LYPD6B: variants seen among roughly 807,000 people sequenced by gnomAD.
LYPD6B encodes LY6/PLAUR domain containing 6B, also known as ly6/PLAUR domain-containing protein 6B.
LYPD6B carries 17 observed loss-of-function variants against 22.8 expected under a neutral mutation model. The ratio of observed to expected loss-of-function variants is 0.75; its 90% CI spans 0.51 to 1.12. LYPD6B has a LOEUF of 1.12. LYPD6B is among the 50% of genes most tolerant of loss of function. LYPD6B has a pLI of 0.00. For synonymous variants in LYPD6B, 106 were observed against 91.6 expected, an observed-to-expected ratio of 1.16 and a Z score of -0.90; for missense variants, 221 against 258.3, an observed-to-expected ratio of 0.86 and a Z score of 0.99.
At chr2:149,156,270 T>C (rs1222114514) in intron 2 of LYPD6B, among the ~76,000 whole-genome samples, 3 of 152,170 alleles carry the variant, frequency 2.0e-5, no homozygotes, top group African/African-American at 7.2e-5. Context: ...TGTTCCTGTT[T>C]GTGACTTTCT....
chr2:149,067,190 ACTCT>A (rs1456068945), intron 1 of LYPD6B, among the ~76,000 whole-genome samples: 1 of 151,816 alleles, frequency 6.6e-6, no homozygotes, highest in Non-Finnish European at 1.5e-5. Flanking sequence ...ATTTCAACAC[ACTCT>A]GCAGGTGGTT....
At chr2:149,198,978 T>C (rs1431992359) in intron 3 of LYPD6B, among the ~76,000 whole-genome samples, 1 of 152,232 alleles carries the variant, frequency 6.6e-6, no homozygotes, top group East Asian at 1.9e-4. Flanking sequence ...TTTCTAAATC[T>C]TAAGAAATCA....
intron 1 of LYPD6B, among the ~76,000 whole-genome samples, chr2:149,106,562 A>G (rs1686481644): frequency 6.6e-6 from 1 of 152,154 alleles, no homozygotes. Flanking sequence ...TTACTGGTAT[A>G]AAGTTGTTTA....
At chr2:149,097,876 G>C (rs1242611442) in intron 1 of LYPD6B, among the ~76,000 whole-genome samples, 1 of 151,912 alleles carries the variant, frequency 6.6e-6, no homozygotes, top group Non-Finnish European at 1.5e-5. Context: ...ATTTTTTTGG[G>C]GTATTTTTGT....
intron 2 of LYPD6B, among the ~76,000 whole-genome samples, chr2:149,139,503 T>C (rs775137403): frequency 2.0e-5 from 3 of 152,176 alleles, no homozygotes; most frequent in Non-Finnish European, 4.4e-5. Flanking sequence ...GCTGTAAGCA[T>C]ACACTTCAGA....
At chr2:149,078,319 C>T (rs1344824690) in intron 1 of LYPD6B, among the ~76,000 whole-genome samples, 1 of 152,184 alleles carries the variant, frequency 6.6e-6, no homozygotes, top group Non-Finnish European at 1.5e-5. Flanking sequence ...CCTTCCCATT[C>T]ATGAAATGTT....
At chr2:149,187,644 G>T (rs574886104) in intron 3 of LYPD6B, 2 of 920,502 alleles carry the variant, frequency 2.2e-6, no homozygotes, top group Middle Eastern at 2.3e-4. Context: ...AAGCAGGCTT[G>T]TCCAATCTTT....
chr2:149,213,502 T>A (rs956572215), intron 6 of LYPD6B, among the ~76,000 whole-genome samples: 6 of 152,244 alleles, frequency 3.9e-5, no homozygotes, highest in Non-Finnish European at 7.3e-5. Flanking sequence ...TTTAATATGA[T>A]GAACTGTAGA....
chr2:149,204,697 T>A (rs1693395242), intron 3 of LYPD6B: 1 of 154,208 alleles, frequency 6.5e-6, no homozygotes, highest in Non-Finnish European at 1.5e-5. Context: ...TCAATGTCGG[T>A]GTGCTCTAGG....
intron 1 of LYPD6B, among the ~76,000 whole-genome samples, chr2:149,047,991 G>A (rs1683386671): frequency 6.6e-6 from 1 of 152,060 alleles, no homozygotes; most frequent in African/African-American, 2.4e-5. Flanking sequence ...CTTTCCTGCA[G>A]TTTTTCTCTC....
chr2:149,081,396 G>A (rs183735515), intron 1 of LYPD6B, among the ~76,000 whole-genome samples: 2 of 152,326 alleles, frequency 1.3e-5, no homozygotes, highest in East Asian at 3.9e-4. Context: ...TTCTCTTGGT[G>A]TAGGGATATT....
chr2:149,175,055 C>CTG (rs1406656896), intron 3 of LYPD6B, among the ~76,000 whole-genome samples: 1,532 of 133,376 alleles, frequency 0.011, 29 homozygotes, highest in African/African-American at 0.04. Flanking sequence ...CTCTCTCTCT[C>CTG]TCTCTCTGTG....
At chr2:149,050,557 G>C (rs1319367549) in intron 1 of LYPD6B, among the ~76,000 whole-genome samples, 1 of 152,178 alleles carries the variant, frequency 6.6e-6, no homozygotes, top group Admixed American at 6.5e-5. Flanking sequence ...TTTTAGTAAG[G>C]TATGGGAACC....
chr2:149,162,911 C>T (rs1487690765), intron 3 of LYPD6B, among the ~76,000 whole-genome samples: 2 of 152,058 alleles, frequency 1.3e-5, no homozygotes, highest in African/African-American at 2.4e-5. Context: ...TTGACTTGCT[C>T]CTACGTGATA....
At chr2:149,137,618 G>A (rs1688447930) in intron 2 of LYPD6B, among the ~76,000 whole-genome samples, 1 of 152,112 alleles carries the variant, frequency 6.6e-6, no homozygotes, top group East Asian at 1.9e-4. Context: ...ATAAATATTT[G>A]TGCATACAAG....
chr2:149,205,222 G>T (rs753653341), intron 3 of LYPD6B, 31 bp from the exon 4 acceptor site: 1 of 1,576,484 alleles, frequency 6.3e-7, no homozygotes, highest in South Asian at 1.2e-5. Context: ...AAAATATAAA[G>T]AAACTGAACC....
At chr2:149,211,712 G>A (rs1210872319) in intron 5 of LYPD6B, among the ~76,000 whole-genome samples, 1 of 151,762 alleles carries the variant, frequency 6.6e-6, no homozygotes, top group Non-Finnish European at 1.5e-5. Flanking sequence ...CATAAGCCCA[G>A]TCTTCTCAGC....
rs1253347715 is a variant in LYPD6B, at chr2:149,205,339, T to C, written c.164T>C (p.Ile55Thr). ...GCTATAGCTGTTGTCCAGATCGTTA[T>C]CTTCTCAGAAAGCTGGGCATTTGCC... ...ALAIAVVQIV[I>T]FSESWAFAKN... Residue 55 changes from isoleucine to threonine, a missense_variant, in exon 4 of 7, where the codon ATC (isoleucine) becomes ACC (threonine). Transcript: ENST00000409642. 2 of 1,614,020 alleles carry C rather than the reference T, an allele frequency of 1.2e-6. No homozygotes were observed. The highest frequency in any genetic ancestry group is 1.7e-5 in the Admixed American group (1 of 60,032).
At chr2:149,103,609 C>T (rs2105498945) in intron 1 of LYPD6B, among the ~76,000 whole-genome samples, 1 of 152,004 alleles carries the variant, frequency 6.6e-6, no homozygotes, top group South Asian at 2.1e-4. Context: ...ATTCATCACC[C>T]CCAAATGTTT....
Sources: allele counts gnomAD v4.1 joint callset (sites outside exome capture counted in the v4.1 genomes callset), GRCh38; gene constraint gnomAD v4.1.1; transcripts MANE v1.5; gene names NCBI Gene and HGNC (gene_info 2026-07-23, HGNC 2026-07-21).